Variants in LGR5 observed in about 807,000 individuals in gnomAD.
The protein encoded by LGR5 is leucine-rich repeat-containing G protein-coupled receptor 5.
In LGR5, 54 loss-of-function variants were observed where a neutral mutation model predicts 76.7. That is an observed-to-expected ratio of 0.70 (90% CI 0.57 to 0.88). The LOEUF is 0.88. LGR5 is among the 40% of genes least tolerant of loss of function. The probability of loss-of-function intolerance (pLI) is 0.00; values close to 1 mark genes in which losing one functional copy is unlikely to be tolerated. For synonymous variants in LGR5, 406 were observed against 421.9 expected (o/e 0.96, Z 0.46); for missense variants, 1,078 against 1,073.3 (o/e 1.00, Z -0.06).
chr12:71,537,006 C>CG (rs1465047463), intron 4 of LGR5, among the ~76,000 whole-genome samples: 1 of 152,088 alleles, frequency 6.6e-6, no homozygotes, highest in Non-Finnish European at 1.5e-5. Context: ...GATAGATACT[C>CG]GGCCCCCAGT....
At chr12:71,463,664 A>G (rs1872756279) in intron 1 of LGR5, among the ~76,000 whole-genome samples, 1 of 152,146 alleles carries the variant, frequency 6.6e-6, no homozygotes, top group South Asian at 2.1e-4. Flanking sequence ...TAGCTTTGAG[A>G]CCAATTTACG....
At chr12:71,560,839 T>C (rs1185644813) in intron 7 of LGR5, among the ~76,000 whole-genome samples, 1 of 152,182 alleles carries the variant, frequency 6.6e-6, no homozygotes, top group Non-Finnish European at 1.5e-5. Context: ...ATCCATTTTG[T>C]GCAAGGGTCA....
intron 1 of LGR5, among the ~76,000 whole-genome samples, chr12:71,486,345 C>T (rs187370252): frequency 5.8e-4 from 89 of 152,210 alleles, no homozygotes; most frequent in East Asian, 1.4e-3. Flanking sequence ...CGACAGCAAT[C>T]GTTTGACATG....
intron 4 of LGR5, among the ~76,000 whole-genome samples, chr12:71,537,192 A>AC (rs1254926262): frequency 7.3e-6 from 1 of 137,426 alleles, no homozygotes; most frequent in Non-Finnish European, 1.7e-5. Context: ...TCAAAAAAAA[A>AC]AAAAAAAGCA....
intron 1 of LGR5, among the ~76,000 whole-genome samples, chr12:71,444,651 C>A (rs1447287621): frequency 6.6e-6 from 1 of 151,916 alleles, no homozygotes; most frequent in Non-Finnish European, 1.5e-5. Context: ...GTTAGAAGAT[C>A]GGAATCAAGA....
In LGR5 at chr12:71,584,497, G is replaced by C; in HGVS notation, c.2487G>C (p.Glu829Asp). The C allele has an allele frequency of 1.2e-6, 2 of 1,614,136 alleles. No homozygotes were observed. Among genetic ancestry groups the C allele is most frequent in the Non-Finnish European group, 1.7e-6 (2 of 1,180,018 alleles). Residue 829 changes from glutamate (E) to aspartate (D), a missense_variant, in exon 18 of 18, where the codon GAG (glutamate) becomes GAC (aspartate). By Grantham distance (45) the Glu-to-Asp change is conservative. Coordinates refer to ENST00000266674, the MANE Select transcript of LGR5 (RefSeq NM_003667.4). ...TCTTGTTCAATCCTCACTTTAAGGAGGATCTGGTGAGCCTGAGAAAGCAAA... is the reference window on the plus strand; with the variant it reads ...TCTTGTTCAATCCTCACTTTAAGGACGATCTGGTGAGCCTGAGAAAGCAAA... ...LYILFNPHFK[E>D]DLVSLRKQTY...
chr12:71,519,007 G>T (rs537282985), intron 2 of LGR5, among the ~76,000 whole-genome samples: 2 of 152,184 alleles, frequency 1.3e-5, no homozygotes, highest in South Asian at 2.1e-4. Flanking sequence ...TAACAAAAGG[G>T]TCCCATCAGA....
intron 13 of LGR5, among the ~76,000 whole-genome samples, chr12:71,577,021 C>T (rs1018911656): frequency 2.6e-5 from 4 of 152,134 alleles, no homozygotes; most frequent in African/African-American, 9.7e-5. Flanking sequence ...GAGGACAGGT[C>T]CCTAAGGAAC....
chr12:71,568,646 G>A (rs1878461856), intron 11 of LGR5, among the ~76,000 whole-genome samples: 3 of 152,302 alleles, frequency 2.0e-5, no homozygotes, highest in South Asian at 4.1e-4. Flanking sequence ...TCATTTAGGA[G>A]AACTGAGAAA....
At chr12:71,497,148 T>C (rs1362805675) in intron 1 of LGR5, among the ~76,000 whole-genome samples, 1 of 149,626 alleles carries the variant, frequency 6.7e-6, no homozygotes, top group East Asian at 1.9e-4. Context: ...ACCTCATCTC[T>C]ACGAAAAAAA....
chr12:71,485,640 G>A (rs1873791384), intron 1 of LGR5, among the ~76,000 whole-genome samples: 1 of 152,152 alleles, frequency 6.6e-6, no homozygotes, highest in Non-Finnish European at 1.5e-5. Context: ...TGAGGCAGAA[G>A]GATTGCTCAA....
At chr12:71,471,896 G>A (rs1873119629) in intron 1 of LGR5, among the ~76,000 whole-genome samples, 1 of 152,036 alleles carries the variant, frequency 6.6e-6, no homozygotes, top group Non-Finnish European at 1.5e-5. Flanking sequence ...AGTATATTCT[G>A]AATCATGAGG....
At chr12:71,457,170 A>C (rs982517282) in intron 1 of LGR5, among the ~76,000 whole-genome samples, 6 of 152,206 alleles carry the variant, frequency 3.9e-5, no homozygotes, top group African/African-American at 1.4e-4. Context: ...TTCGAACACA[A>C]TGACTGAACT....
At chr12:71,524,353 C>A in intron 2 of LGR5, 53 bp from the exon 3 acceptor site, 1 of 1,269,774 alleles carries the variant, frequency 7.9e-7, no homozygotes, top group Non-Finnish European at 1.1e-6. Context: ...AACTAAATGA[C>A]TTCCACATGA....
intron 1 of LGR5, among the ~76,000 whole-genome samples, chr12:71,495,841 A>G (rs1445345100): frequency 6.6e-6 from 1 of 150,414 alleles, no homozygotes; most frequent in Non-Finnish European, 1.5e-5. Flanking sequence ...AAAAAGAAAG[A>G]TTATTAGCCC....
chr12:71,547,798 G>C (rs939350552), intron 4 of LGR5, among the ~76,000 whole-genome samples: 19 of 152,174 alleles, frequency 1.2e-4, no homozygotes, highest in Middle Eastern at 3.4e-3. Flanking sequence ...GTAGAGACAG[G>C]GTTTCCCCAT....
chr12:71,578,107 C>A, intron 14 of LGR5, 111 bp downstream of exon 14: 1 of 762,748 alleles, frequency 1.3e-6, no homozygotes, highest in Middle Eastern at 2.7e-4. Flanking sequence ...GATTACCTGC[C>A]TCTGTGTTCT....
intron 14 of LGR5, among the ~76,000 whole-genome samples, 154 bp from the exon 15 acceptor site, chr12:71,578,650 T>C (rs1878961125): frequency 6.6e-6 from 1 of 152,218 alleles, no homozygotes; most frequent in African/African-American, 2.4e-5. Flanking sequence ...TATCAAGAGC[T>C]AAACCAAAAT....
chr12:71,579,839 A>T (rs1879016006), intron 15 of LGR5, among the ~76,000 whole-genome samples: 1 of 152,106 alleles, frequency 6.6e-6, no homozygotes, highest in East Asian at 1.9e-4. Context: ...TAAAAATGCC[A>T]CTCTAAACAA....
Sources: gnomAD v4.1 joint callset for allele counts (sites outside exome capture counted in the v4.1 genomes callset) on GRCh38, gnomAD v4.1.1 for gene constraint, MANE v1.5 for transcripts, NCBI Gene and HGNC (gene_info 2026-07-23, HGNC 2026-07-21) for gene names.